LNPEP: variants seen among roughly 807,000 people sequenced by gnomAD.
The protein encoded by LNPEP is leucyl and cystinyl aminopeptidase, also known as leucyl-cystinyl aminopeptidase.
Under a neutral mutation model 120.6 loss-of-function variants are expected in LNPEP, and 64 were observed. The observed-to-expected ratio is 0.53, with a 90% CI of 0.43 to 0.65. LNPEP has a LOEUF of 0.65. Ranked by LOEUF, LNPEP falls within the 30% of genes least tolerant of loss-of-function variation. LNPEP has a pLI of 0.00. For synonymous variants in LNPEP, 435 were observed against 425.4 expected, an observed-to-expected ratio of 1.02 and a Z score of -0.28; for missense variants, 1,057 against 1,200.0, an observed-to-expected ratio of 0.88 and a Z score of 1.76.
rs781727347 is a variant in LNPEP at position 97,008,337 on chromosome 5, G to GTTTTTTT, written c.2035+1847_2035+1853dup. ...TTGATTTTTTTGTTTGTTTTTTCTT[G>GTTTTTTT]TTTTTTTTTTTTTTTTTTTTTTTTT... On this transcript the variant is annotated intron_variant, in intron 11 of 17. Coordinates refer to ENST00000231368, the MANE Select transcript of LNPEP (RefSeq NM_005575.3). Among the ~76,000 whole-genome samples the GTTTTTTT allele has an allele frequency of 4.5e-3, 269 of 59,846 alleles. 20 individuals are homozygous for GTTTTTTT. The highest frequency in any genetic ancestry group is 5.4e-3 in the Non-Finnish European group (187 of 34,900). The allele number at this position is 59,846 out of a possible 152,430, so 39.3% of individuals were successfully genotyped here. A position where few individuals can be genotyped will look rare whatever the true frequency, so the allele number is the denominator to read the frequency against.
intron 1 of LNPEP, among the ~76,000 whole-genome samples, chr5:96,963,673 C>T (rs994126964): frequency 6.6e-6 from 1 of 152,174 alleles, no homozygotes; most frequent in African/African-American, 2.4e-5. Flanking sequence ...AGTTACAAGG[C>T]TGGATTCAGT....
At chr5:96,956,753 G>C (rs985126445) in intron 1 of LNPEP, among the ~76,000 whole-genome samples, 2 of 151,978 alleles carry the variant, frequency 1.3e-5, no homozygotes, top group Non-Finnish European at 2.9e-5. Context: ...AGTCATTCTG[G>C]GACTCCGACT....
chr5:96,958,402 A>G (rs959054763), intron 1 of LNPEP: 3 of 807,840 alleles, frequency 3.7e-6, no homozygotes, highest in African/African-American at 3.7e-5. Flanking sequence ...TGAATTACCT[A>G]ATAGCTATAC....
In LNPEP at chr5:97,028,982, T is replaced by C. The variant is rs1791415702; in HGVS notation, c.*449T>C. ...GATGGCATTGGAATGTGGTACAAAG[T>C]TAGCTCTGAAGAATATGGTAACGAA... On this transcript the variant is annotated 3_prime_UTR_variant, in exon 18 of 18. Coordinates refer to ENST00000231368, the MANE Select transcript of LNPEP (RefSeq NM_005575.3). 1 of 163,440 alleles carries C rather than the reference T, an allele frequency of 6.1e-6. No homozygotes were observed. The allele number at this position is 163,440 out of a possible 1,614,324, so 10.1% of individuals were successfully genotyped here.
At chr5:96,946,036 T>C (rs1453047403) in intron 1 of LNPEP, among the ~76,000 whole-genome samples, 3 of 152,206 alleles carry the variant, frequency 2.0e-5, no homozygotes, top group Non-Finnish European at 4.4e-5. Flanking sequence ...AATGATGAAA[T>C]AAGGGAGGCT....
intron 11 of LNPEP, among the ~76,000 whole-genome samples, chr5:97,009,087 A>G (rs569252170): frequency 1.4e-4 from 21 of 152,290 alleles, no homozygotes; most frequent in Admixed American, 1.3e-3. Flanking sequence ...TTGCCGCACA[A>G]AAATTCTATC....
intron 1 of LNPEP, among the ~76,000 whole-genome samples, chr5:96,946,607 G>GA (rs1205105998): frequency 2.6e-5 from 4 of 152,260 alleles, no homozygotes; most frequent in African/African-American, 7.2e-5. Flanking sequence ...ACTATTAGTA[G>GA]AAAAAATGTA....
chr5:97,010,428 C>CTTTTTTT, intron 11 of LNPEP: 2 of 984,974 alleles, frequency 2.0e-6, no homozygotes, highest in Non-Finnish European at 2.4e-6. Context: ...CTGCTCTTGC[C>CTTTTTTT]TTTTTTTCCC....
intron 4 of LNPEP, among the ~76,000 whole-genome samples, chr5:96,989,693 T>G (rs1052378054): frequency 2.6e-5 from 4 of 152,058 alleles, no homozygotes; most frequent in Non-Finnish European, 5.9e-5. Flanking sequence ...CTTTCTTTGC[T>G]GAGCTATGTT....
intron 4 of LNPEP, 39 bp downstream of exon 4, chr5:96,986,709 A>T (rs1402665615): frequency 1.9e-6 from 3 of 1,601,824 alleles, no homozygotes; most frequent in Non-Finnish European, 2.6e-6. Flanking sequence ...CCTGTGTCAC[A>T]AGAGGCTCAG....
rs1561456187 is a variant in LNPEP at position 97,024,514 on chromosome 5, CT to C, written c.2562-5del. The C allele has an allele frequency of 1.2e-6, 2 of 1,612,636 alleles. No homozygotes were observed. The highest frequency in any genetic ancestry group is 1.7e-6 in the Non-Finnish European group (2 of 1,179,352). On this transcript the variant is annotated splice_region_variant and splice_polypyrimidine_tract_variant and intron_variant, in intron 14 of 17. Coordinates refer to ENST00000231368, the MANE Select transcript of LNPEP (RefSeq NM_005575.3). ...GTTATTCTCATGTTTGACCACCTCT[CT>C]TACAGCCTACCTACTGATGTCATGA...
In LNPEP at chr5:96,947,952, A is replaced by C. The variant is rs138037358; in HGVS notation, c.19+11778A>C. 5.3e-5 allele frequency among the ~76,000 whole-genome samples: 8 copies of C among 151,982 alleles called. 1 individual carries two copies. Among genetic ancestry groups the C allele is most frequent in the African/African-American group, 1.4e-4 (6 of 41,460 alleles). ...TCTTTTTGAATTTTTTCCTTTTCACATTACTTTAGTAATTTGTTCTTCATC... is the reference window on the plus strand; with the variant it reads ...TCTTTTTGAATTTTTTCCTTTTCACCTTACTTTAGTAATTTGTTCTTCATC... On this transcript the variant is annotated intron_variant, in intron 1 of 17. Transcript: ENST00000231368.
At chr5:97,012,876 T>C (rs529453564) in intron 11 of LNPEP, among the ~76,000 whole-genome samples, 1 of 152,334 alleles carries the variant, frequency 6.6e-6, no homozygotes, top group East Asian at 1.9e-4. Flanking sequence ...AATTATTTCT[T>C]ATTTGTCCCT....
chr5:97,015,705 A>G (rs555108759), intron 13 of LNPEP, among the ~76,000 whole-genome samples: 3 of 152,220 alleles, frequency 2.0e-5, no homozygotes, highest in Admixed American at 6.5e-5. Flanking sequence ...ATTTGTTTTT[A>G]TCTAATTCTC....
intron 11 of LNPEP, 24 bp from the exon 12 acceptor site, chr5:97,013,624 T>C (rs752651640): frequency 1.5e-6 from 2 of 1,358,040 alleles, no homozygotes. Flanking sequence ...TCTCTCAATC[T>C]CTCATTTTTT....
At chr5:96,974,743 T>C (rs1343895424) in intron 1 of LNPEP, among the ~76,000 whole-genome samples, 3 of 152,152 alleles carry the variant, frequency 2.0e-5, no homozygotes, top group Admixed American at 2.0e-4. Context: ...ACTGGTTCCC[T>C]GGTTACCAAA....
chr5:97,001,514 T>C (rs1790648763), intron 8 of LNPEP, among the ~76,000 whole-genome samples: 1 of 152,102 alleles, frequency 6.6e-6, no homozygotes, highest in Non-Finnish European at 1.5e-5. Context: ...GGTCTGAAAT[T>C]CAAGGGGGAA....
rs1177652657 is a variant in LNPEP at position 97,030,927 on chromosome 5, C to G, written c.*2394C>G. ...CCCATCTATATAGGACTTCTAAAAACTACGTCAGGAATGTAAGGTTAAATG... is the reference window on the plus strand; with the variant it reads ...CCCATCTATATAGGACTTCTAAAAAGTACGTCAGGAATGTAAGGTTAAATG... On this transcript the variant is annotated 3_prime_UTR_variant, in exon 18 of 18. Transcript: ENST00000231368. 6.6e-6 allele frequency: 1 copy of G among 151,832 alleles called. No individual in the cohort carries two copies. Among genetic ancestry groups the G allele is most frequent in the Non-Finnish European group, 1.5e-5 (1 of 67,962 alleles). The allele number at this position is 151,832 out of a possible 1,614,324, so 9.4% of individuals were successfully genotyped here.
chr5:96,969,127 C>G (rs1789799392), intron 1 of LNPEP, among the ~76,000 whole-genome samples: 1 of 151,854 alleles, frequency 6.6e-6, no homozygotes, highest in African/African-American at 2.4e-5. Context: ...GGCTTTTTTT[C>G]CTATCCAGAA....
Sources: allele counts gnomAD v4.1 joint callset (sites outside exome capture counted in the v4.1 genomes callset), GRCh38; gene constraint gnomAD v4.1.1; transcripts MANE v1.5; gene names NCBI Gene and HGNC (gene_info 2026-07-23, HGNC 2026-07-21).